The following LSAMP variants were observed in gnomAD, a reference collection of about 807,000 sequenced individuals.
The protein encoded by LSAMP is limbic system associated membrane protein.
Under a neutral mutation model 38.6 loss-of-function variants are expected in LSAMP, and 7 were observed. The ratio of observed to expected loss-of-function variants is 0.18; its 90% CI spans 0.10 to 0.34. LSAMP has a LOEUF of 0.34. LSAMP is among the 10% of genes least tolerant of loss of function. LSAMP has a pLI of 1.00. For synonymous variants in LSAMP, 154 were observed against 166.8 expected (o/e 0.92, Z 0.59); for missense variants, 313 against 420.0 (o/e 0.75, Z 2.23).
chr3:115,936,945 A>C (rs1438213802), intron 3 of LSAMP, among the ~76,000 whole-genome samples: 1 of 152,194 alleles, frequency 6.6e-6, no homozygotes, highest in East Asian at 1.9e-4. Flanking sequence ...AGTTAAGTGC[A>C]TAAGCTATAT....
chr3:116,121,415 A>G lies in LSAMP; in HGVS notation c.156-34859T>C, dbSNP rs189379350. Among the ~76,000 whole-genome samples, 215 of 152,330 alleles carry G rather than the reference A, an allele frequency of 1.4e-3. 1 individual carries two copies. The highest frequency in any genetic ancestry group is 5.0e-3 in the African/African-American group (207 of 41,568). On this transcript the variant is annotated intron_variant, in intron 1 of 6. Transcript: ENST00000490035. ...GATGTTTTTTAATCTACACAATTTT[A>G]ACTTTATCGAAACTTTCTTATAAAT...
intron 3 of LSAMP, among the ~76,000 whole-genome samples, chr3:115,990,320 G>A (rs887983768): frequency 3.3e-5 from 5 of 152,018 alleles, no homozygotes; most frequent in Admixed American, 6.6e-5. Flanking sequence ...GTATTTGGGA[G>A]GAACCATTTA....
At chr3:116,004,529 T>TAC (rs1553758554) in intron 3 of LSAMP, among the ~76,000 whole-genome samples, 12 of 148,588 alleles carry the variant, frequency 8.1e-5, no homozygotes, top group Non-Finnish European at 1.6e-4. Context: ...TGTGTATATA[T>TAC]ATATATACAC....
In LSAMP at chr3:116,445,234, C is replaced by G. The variant is rs1009235186; in HGVS notation, c.-203G>C. ...AAGACTTAACAAAGCCCTCATAAAACCCAAGCAGAAGGGTGAAAAGTAAAA... is the reference window on the plus strand; with the variant it reads ...AAGACTTAACAAAGCCCTCATAAAAGCCAAGCAGAAGGGTGAAAAGTAAAA... On this transcript the variant is annotated 5_prime_UTR_variant, in exon 1 of 7. Transcript: ENST00000490035. The G allele has an allele frequency of 3.4e-6, 2 of 596,026 alleles. No individual in the cohort carries two copies. Among genetic ancestry groups the G allele is most frequent in the South Asian group, 4.1e-5 (2 of 49,306 alleles). 36.9% of individuals were successfully genotyped at this position (596,026 alleles called of 1,614,324 possible).
chr3:116,009,606 T>G (rs1363458701), intron 3 of LSAMP, among the ~76,000 whole-genome samples: 1 of 152,200 alleles, frequency 6.6e-6, no homozygotes, highest in Non-Finnish European at 1.5e-5. Context: ...GCCAAATTTG[T>G]AAATCCAGCG....
chr3:116,195,718 GAAA>G (rs10631420), intron 1 of LSAMP, among the ~76,000 whole-genome samples: 1 of 139,630 alleles, frequency 7.2e-6, no homozygotes, highest in African/African-American at 2.7e-5. Context: ...AAAAAAAAAT[GAAA>G]AAAAAAAAAC....
At chr3:116,157,959 A>G (rs898115228) in intron 1 of LSAMP, among the ~76,000 whole-genome samples, 3 of 152,162 alleles carry the variant, frequency 2.0e-5, no homozygotes, top group Admixed American at 2.0e-4. Context: ...ATCCTCAACA[A>G]AATACTAGCA....
intron 1 of LSAMP, among the ~76,000 whole-genome samples, chr3:116,094,529 C>T (rs1012278484): frequency 6.6e-5 from 10 of 152,284 alleles, no homozygotes; most frequent in Non-Finnish European, 1.3e-4. Flanking sequence ...CTCCCCTCAC[C>T]CTTGCTTCTT....
At chr3:116,333,851 CAAATT>C (rs1485118258) in intron 1 of LSAMP, among the ~76,000 whole-genome samples, 2 of 149,702 alleles carry the variant, frequency 1.3e-5, no homozygotes, top group Non-Finnish European at 3.0e-5. Flanking sequence ...TAAAAAAAGA[CAAATT>C]AAATCCAAAG....
chr3:116,209,995 C>G (rs1198316673), intron 1 of LSAMP, among the ~76,000 whole-genome samples: 1 of 152,086 alleles, frequency 6.6e-6, no homozygotes, highest in African/African-American at 2.4e-5. Context: ...ACTTCGTGAT[C>G]CGCCCACCTC....
chr3:116,346,938 C>T (rs571563730), intron 1 of LSAMP, among the ~76,000 whole-genome samples: 1 of 152,188 alleles, frequency 6.6e-6, no homozygotes, highest in East Asian at 1.9e-4. Context: ...ATCCCTCTAC[C>T]CCTAAAATCA....
At chr3:116,047,244 A>G in intron 2 of LSAMP, among the ~76,000 whole-genome samples, 1 of 152,154 alleles carries the variant, frequency 6.6e-6, no homozygotes, top group East Asian at 1.9e-4. Flanking sequence ...AAATAAGCTG[A>G]AGAAAGAAAA....
intron 3 of LSAMP, among the ~76,000 whole-genome samples, chr3:115,861,175 TTCCTTCCTTCCTTCCTTCCTTCCTTCC>T (rs2107357689): frequency 8.3e-6 from 1 of 121,136 alleles, no homozygotes; most frequent in South Asian, 3.1e-4. Context: ...CCTTCCTTCC[TTCCTTCCTTCCTTCCTTCCTTCCTTCC>T]TTCCTTTCCT....
intron 1 of LSAMP, among the ~76,000 whole-genome samples, chr3:116,092,044 T>G (rs1158059207): frequency 1.3e-5 from 2 of 152,180 alleles, no homozygotes; most frequent in Non-Finnish European, 2.9e-5. Flanking sequence ...ACAGTGACCT[T>G]CTTGTAATTC....
At chr3:115,846,670 C>T (rs1935170304) in intron 4 of LSAMP, among the ~76,000 whole-genome samples, 1 of 152,124 alleles carries the variant, frequency 6.6e-6, no homozygotes, top group African/African-American at 2.4e-5. Context: ...CCAGGTTTAT[C>T]ATGCTCTGAA....
At chr3:116,318,878 C>A (rs2047669255) in intron 1 of LSAMP, among the ~76,000 whole-genome samples, 1 of 152,000 alleles carries the variant, frequency 6.6e-6, no homozygotes, top group South Asian at 2.1e-4. Context: ...ACATGAACTC[C>A]CAACCTCTAT....
intron 1 of LSAMP, among the ~76,000 whole-genome samples, chr3:116,319,942 T>C (rs1311855126): frequency 1.3e-5 from 2 of 152,314 alleles, no homozygotes; most frequent in East Asian, 3.9e-4. Context: ...ATTTATGTTG[T>C]ATTTTTTTCC....
At chr3:115,899,550 C>A (rs529752895) in intron 3 of LSAMP, among the ~76,000 whole-genome samples, 1 of 152,230 alleles carries the variant, frequency 6.6e-6, no homozygotes, top group African/African-American at 2.4e-5. Flanking sequence ...AAACCATGTC[C>A]TTGGAACACA....
chr3:116,409,234 G>A (rs887544359), intron 1 of LSAMP, among the ~76,000 whole-genome samples: 4 of 152,042 alleles, frequency 2.6e-5, no homozygotes, highest in Non-Finnish European at 5.9e-5. Context: ...TAAGTCTGGT[G>A]TGGGCAAAGT....
Sources: allele counts gnomAD v4.1 joint callset (sites outside exome capture counted in the v4.1 genomes callset), GRCh38; gene constraint gnomAD v4.1.1; transcripts MANE v1.5; gene names NCBI Gene and HGNC (gene_info 2026-07-23, HGNC 2026-07-21).